Variants in HCK observed in about 807,000 individuals in gnomAD.
HCK encodes the protein HCK proto-oncogene, Src family tyrosine kinase, also known as tyrosine-protein kinase HCK.
HCK carries 40 observed loss-of-function variants against 70.4 expected under a neutral mutation model. That is an observed-to-expected ratio of 0.57 (90% CI 0.44 to 0.74). The LOEUF (loss-of-function observed/expected upper bound fraction) is 0.74, where lower values mean the gene tolerates loss of function less well. Ranked by LOEUF, HCK falls within the 30% of genes least tolerant of loss-of-function variation. HCK has a pLI of 0.00. For synonymous variants in HCK, 245 were observed against 263.2 expected (o/e 0.93, Z 0.67); for missense variants, 568 against 697.2 (o/e 0.81, Z 2.09).
At chr20:32,087,653 T>C (rs1474580654) in intron 9 of HCK, among the ~76,000 whole-genome samples, 5 of 151,818 alleles carry the variant, frequency 3.3e-5, no homozygotes, top group African/African-American at 1.2e-4. Flanking sequence ...AAATTTTTTT[T>C]TTTTTTGAGA....
At chr20:32,059,505 CTCTCTCTTT>C (rs1444162230) in intron 1 of HCK, among the ~76,000 whole-genome samples, 14 of 35,954 alleles carry the variant, frequency 3.9e-4, no homozygotes, top group Non-Finnish European at 5.4e-5. Context: ...TTCTCTCTCT[CTCTCTCTTT>C]TTTTTTTCTT....
At chr20:32,059,614 A>G (rs1293651299) in intron 1 of HCK, among the ~76,000 whole-genome samples, 3 of 151,820 alleles carry the variant, frequency 2.0e-5, no homozygotes. Flanking sequence ...TCCTGCGCTC[A>G]AGCGATCCTC....
intron 10 of HCK, among the ~76,000 whole-genome samples, chr20:32,090,670 G>T (rs1392968146): frequency 1.3e-5 from 2 of 152,058 alleles, no homozygotes; most frequent in Non-Finnish European, 2.9e-5. Context: ...AAACCCAAGG[G>T]TGCCCAACCT....
At chr20:32,059,195 A>G (rs773728350) in intron 1 of HCK, among the ~76,000 whole-genome samples, 5 of 152,220 alleles carry the variant, frequency 3.3e-5, no homozygotes, top group Non-Finnish European at 5.9e-5. Context: ...GGCAGAGGAT[A>G]TCTGGGTGGG....
At chr20:32,094,761 GAAGGAA>G (rs2045919411) in intron 11 of HCK, among the ~76,000 whole-genome samples, 1 of 117,158 alleles carries the variant, frequency 8.5e-6, no homozygotes, top group Non-Finnish European at 1.8e-5. Context: ...AAGAAAGAAA[GAAGGAA>G]AGAAAGAAAG....
intron 6 of HCK, among the ~76,000 whole-genome samples, chr20:32,083,161 T>C (rs541481429): frequency 2.0e-4 from 31 of 152,252 alleles, no homozygotes; most frequent in Middle Eastern, 3.4e-3. Context: ...CTTCACCTCT[T>C]CCACTTTGAC....
Position 32,086,769 on chromosome 20 carries a change from A to G in HCK, c.977A>G (p.Lys326Arg). Reference sequence around the variant, plus strand: ...GTCAAACTTCATGCGGTGGTCACCAAGGAGCCCATCTACATCATCACGGAG... The same window carrying G: ...GTCAAACTTCATGCGGTGGTCACCAGGGAGCCCATCTACATCATCACGGAG... Residue 326 changes from lysine (K) to arginine (R), a missense_variant, in exon 9 of 13, where the codon AAG becomes AGG. Around this residue, in one of 4 missense-constraint regions of HCK, gnomAD observed 160 missense variants for 237.5 expected, o/e 0.67. Coordinates refer to ENST00000375852, the MANE Select transcript of HCK (RefSeq NM_002110.5). The G allele has an allele frequency of 6.3e-7, 1 of 1,598,660 alleles. No homozygotes were observed. Among genetic ancestry groups the G allele is most frequent in the Non-Finnish European group, 8.5e-7 (1 of 1,172,248 alleles).
At chr20:32,079,641 C>T (rs1033059949) in intron 5 of HCK, 133 bp from the exon 6 acceptor site, 2 of 597,308 alleles carry the variant, frequency 3.3e-6, no homozygotes, top group Admixed American at 2.8e-5. Flanking sequence ...TTGAGTAAAA[C>T]TGATGCTGCA....
intron 10 of HCK, 148 bp downstream of exon 10, chr20:32,088,792 A>G (rs1428487187): frequency 3.2e-6 from 2 of 620,440 alleles, no homozygotes; most frequent in African/African-American, 1.9e-5. Context: ...TGTTTTTTGC[A>G]TATATTTTAT....
intron 11 of HCK, among the ~76,000 whole-genome samples, chr20:32,095,562 C>T (rs2122628079): frequency 6.6e-6 from 1 of 152,160 alleles, no homozygotes; most frequent in African/African-American, 2.4e-5. Flanking sequence ...CGGCCCAGAA[C>T]AGACAAATCT....
chr20:32,064,669 A>G (rs147950255), intron 1 of HCK, among the ~76,000 whole-genome samples: 1,545 of 152,338 alleles, frequency 0.01, 34 homozygotes, highest in African/African-American at 0.036. Flanking sequence ...AGAAGCTCCC[A>G]GAAAACCATC....
At chr20:32,078,032 T>G (rs1364623171) in intron 5 of HCK, among the ~76,000 whole-genome samples, 2 of 149,014 alleles carry the variant, frequency 1.3e-5, no homozygotes, top group South Asian at 2.1e-4. Flanking sequence ...GTTTTTTTTG[T>G]TTGTTTGTTT....
At chr20:32,075,733 T>C (rs1303524507) in intron 5 of HCK, among the ~76,000 whole-genome samples, 1 of 151,988 alleles carries the variant, frequency 6.6e-6, no homozygotes, top group African/African-American at 2.4e-5. Flanking sequence ...CATCCATCCA[T>C]CCATCCATCA....
At chr20:32,090,921 G>A (rs2045855958) in intron 10 of HCK, among the ~76,000 whole-genome samples, 1 of 152,144 alleles carries the variant, frequency 6.6e-6, no homozygotes, top group Non-Finnish European at 1.5e-5. Flanking sequence ...GGGAGCACTG[G>A]GAGCCACTCT....
intron 1 of HCK, among the ~76,000 whole-genome samples, chr20:32,067,452 T>C (rs2122507894): frequency 6.6e-6 from 1 of 152,012 alleles, no homozygotes; most frequent in South Asian, 2.1e-4. Flanking sequence ...CTTCTTAGTA[T>C]GTGGCTTCGG....
intron 8 of HCK, among the ~76,000 whole-genome samples, chr20:32,084,857 C>T (rs534845473): frequency 1.3e-5 from 2 of 152,330 alleles, no homozygotes; most frequent in Non-Finnish European, 2.9e-5. Flanking sequence ...TAACCAGAGA[C>T]CTTTTCAGAT....
At chr20:32,080,439 C>T (rs2045693685) in intron 6 of HCK, among the ~76,000 whole-genome samples, 1 of 152,052 alleles carries the variant, frequency 6.6e-6, no homozygotes. Context: ...CCTTGCGATC[C>T]ACCCCTCTTG....
chr20:32,061,133 G>A (rs955884210), intron 1 of HCK, among the ~76,000 whole-genome samples: 5 of 152,020 alleles, frequency 3.3e-5, no homozygotes, highest in African/African-American at 9.7e-5. Context: ...ACAAGCATGC[G>A]CCACCACGCC....
intron 1 of HCK, 25 bp from the exon 2 acceptor site, chr20:32,071,637 C>A (rs775726005): frequency 4.3e-6 from 7 of 1,610,084 alleles, no homozygotes; most frequent in Non-Finnish European, 5.1e-6. Context: ...GTAACTGGGG[C>A]TCACCTCCCT....
Sources: allele counts gnomAD v4.1 joint callset (sites outside exome capture counted in the v4.1 genomes callset), GRCh38; gene constraint gnomAD v4.1.1; regional missense constraint gnomAD v4.1.1; transcripts MANE v1.5; gene names NCBI Gene and HGNC (gene_info 2026-07-23, HGNC 2026-07-21).